Variants in SCYL2 observed in about 807,000 individuals in gnomAD.
The protein encoded by SCYL2 is SCY1-like protein 2.
In SCYL2, 36 loss-of-function variants were observed where a neutral mutation model predicts 100.4. That is an observed-to-expected ratio of 0.36 (90% CI 0.27 to 0.47). The LOEUF is 0.47. Among genes scored for constraint, SCYL2 ranks in the 20% least tolerant of loss-of-function variants. The pLI is 1.00. For synonymous variants in SCYL2, 330 were observed against 359.2 expected (o/e 0.92, Z 0.92); for missense variants, 902 against 1,083.9 (o/e 0.83, Z 2.36).
rs1952345700 is a variant in SCYL2, at chr12:100,340,975, G to C, written c.*1803G>C. ...AACAATTTAGTAGTCACTGTTTATT[G>C]AGAAATTGTTTTTTATTTTGTAAAA... is the stretch of plus-strand genomic sequence containing the variant. On this transcript the variant is annotated 3_prime_UTR_variant, in exon 18 of 18. Transcript: ENST00000360820. The C allele has an allele frequency of 6.6e-6, 1 of 151,984 alleles. No homozygotes were observed. The highest frequency in any genetic ancestry group is 6.6e-5 in the Admixed American group (1 of 15,258). The allele number at this position is 151,984 out of a possible 1,614,324, so 9.4% of individuals were successfully genotyped here.
chr12:100,291,489 ATTCTT>A lies in SCYL2; in HGVS notation c.178-11_178-7del. The A allele has an allele frequency of 1.4e-6, 2 of 1,466,142 alleles. No homozygotes were observed. The highest frequency in any genetic ancestry group is 1.8e-6 in the Non-Finnish European group (2 of 1,084,112). 90.8% of individuals were successfully genotyped at this position (1,466,142 alleles called of 1,614,324 possible). A position where few individuals can be genotyped will look rare whatever the true frequency, so the allele number is the denominator to read the frequency against. On this transcript the variant is annotated splice_polypyrimidine_tract_variant and intron_variant, in intron 2 of 17. Coordinates refer to ENST00000360820, the MANE Select transcript of SCYL2 (RefSeq NM_017988.6). ...TATATTTCTTGACTAAAATTACACA[ATTCTT>A]TTATTTAGGAAGTGGCAGTTTTTGT... is the stretch of plus-strand genomic sequence containing the variant.
chr12:100,339,204 C>A lies in SCYL2; in HGVS notation c.*32C>A. ...TTACTTCTATTTTGAAGGATTATTTCAGTTTCAATCATGGGTGAGCTGATT... is the reference window on the plus strand; with the variant it reads ...TTACTTCTATTTTGAAGGATTATTTAAGTTTCAATCATGGGTGAGCTGATT... On this transcript the variant is annotated 3_prime_UTR_variant, in exon 18 of 18. Transcript: ENST00000360820. The A allele has an allele frequency of 6.3e-7, 1 of 1,580,700 alleles. No homozygotes were observed. Among genetic ancestry groups the A allele is most frequent in the South Asian group, 1.2e-5 (1 of 85,600 alleles).
chr12:100,291,091 A>G lies in SCYL2; in HGVS notation c.178-412A>G, dbSNP rs572010310. On this transcript the variant is annotated intron_variant, in intron 2 of 17. Transcript: ENST00000360820. ...TACAAATTCATTTTTCTTACAAACAAGTACTCCCTGACTTACAACCTTTCT... is the reference window on the plus strand; with the variant it reads ...TACAAATTCATTTTTCTTACAAACAGGTACTCCCTGACTTACAACCTTTCT... Among the ~76,000 whole-genome samples, 9 of 152,322 alleles carry G rather than the reference A, an allele frequency of 5.9e-5. No homozygotes were observed. In the East Asian group the frequency reaches 1.5e-3, roughly 26 times the overall value.
chr12:100,313,186 T>G (rs1566361959), intron 6 of SCYL2, among the ~76,000 whole-genome samples: 1 of 152,194 alleles, frequency 6.6e-6, no homozygotes, highest in Non-Finnish European at 1.5e-5. Flanking sequence ...GTTACAGAAC[T>G]TTAGTCATGG....
intron 9 of SCYL2, 191 bp from the exon 10 acceptor site, chr12:100,317,612 A>T: frequency 3.9e-6 from 5 of 1,293,180 alleles, no homozygotes; most frequent in Non-Finnish European, 5.0e-6. Context: ...CTCAGAGCAG[A>T]TGTTAAATAT....
chr12:100,272,704 T>A (rs185607483), intron 1 of SCYL2, among the ~76,000 whole-genome samples: 1 of 152,268 alleles, frequency 6.6e-6, no homozygotes, highest in East Asian at 1.9e-4. Flanking sequence ...ACTGTGAAAT[T>A]GGGGGTGGGG....
intron 1 of SCYL2, among the ~76,000 whole-genome samples, chr12:100,276,724 C>G (rs2096292901): frequency 6.6e-6 from 1 of 151,730 alleles, no homozygotes; most frequent in Non-Finnish European, 1.5e-5. Flanking sequence ...GATTTTTTTC[C>G]TCTTTTTCAT....
At chr12:100,309,853 T>A (rs1185035634) in intron 4 of SCYL2, among the ~76,000 whole-genome samples, 8 of 152,170 alleles carry the variant, frequency 5.3e-5, no homozygotes, top group Admixed American at 2.6e-4. Context: ...ATTATACTGT[T>A]TTACATAGCA....
chr12:100,317,757 T>G (rs1468448414), intron 9 of SCYL2, 46 bp from the exon 10 acceptor site: 4 of 1,550,444 alleles, frequency 2.6e-6, no homozygotes, highest in Non-Finnish European at 3.5e-6. Context: ...TATTGAATCT[T>G]TTAAAGATTC....
chr12:100,270,436 T>TA (rs923674076), intron 1 of SCYL2, among the ~76,000 whole-genome samples: 5 of 151,456 alleles, frequency 3.3e-5, no homozygotes, highest in African/African-American at 2.4e-5. Flanking sequence ...GCTACTGCTT[T>TA]AAAAAAAAAT....
At chr12:100,323,847 T>G (rs1257017789) in intron 11 of SCYL2, 1 of 309,898 alleles carries the variant, frequency 3.2e-6, no homozygotes, top group African/African-American at 2.2e-5. Context: ...GCTGTCCCTT[T>G]ACTTTGAGTG....
chr12:100,325,699 T>C (rs892708878), intron 11 of SCYL2, among the ~76,000 whole-genome samples: 3 of 152,198 alleles, frequency 2.0e-5, no homozygotes, highest in Non-Finnish European at 4.4e-5. Context: ...ACATGACTAA[T>C]ATTTTATATA....
chr12:100,331,983 A>G (rs1238477726), intron 13 of SCYL2, among the ~76,000 whole-genome samples: 1 of 152,200 alleles, frequency 6.6e-6, no homozygotes, highest in African/African-American at 2.4e-5. Context: ...TGGATGATTC[A>G]GTAGGAGGAC....
chr12:100,323,763 T>A (rs908023362), intron 11 of SCYL2, 125 bp downstream of exon 11: 7 of 538,524 alleles, frequency 1.3e-5, no homozygotes, highest in African/African-American at 3.9e-5. Context: ...AGATAACTTG[T>A]ATATAGTACT....
intron 6 of SCYL2, 120 bp downstream of exon 6, chr12:100,312,773 A>G: frequency 1.5e-6 from 1 of 663,276 alleles, no homozygotes; most frequent in Non-Finnish European, 2.5e-6. Flanking sequence ...TTAAGTTTGC[A>G]TAAGATCAGC....
At chr12:100,273,678 C>A (rs1434222344) in intron 1 of SCYL2, among the ~76,000 whole-genome samples, 1 of 152,204 alleles carries the variant, frequency 6.6e-6, no homozygotes, top group Non-Finnish European at 1.5e-5. Context: ...ACACCATAGT[C>A]TTCCTCCCTT....
chr12:100,281,019 GTTTTTTTTT>G (rs202048587), intron 1 of SCYL2, among the ~76,000 whole-genome samples: 11 of 50,466 alleles, frequency 2.2e-4, no homozygotes, highest in Non-Finnish European at 2.5e-4. Context: ...TACCATCAGT[GTTTTTTTTT>G]TTTTTTTTTT....
intron 1 of SCYL2, among the ~76,000 whole-genome samples, chr12:100,269,199 C>T (rs2096284414): frequency 6.6e-6 from 1 of 152,262 alleles, no homozygotes; most frequent in African/African-American, 2.4e-5. Context: ...GTCCCCTTTC[C>T]AAACTCATCT....
intron 8 of SCYL2, among the ~76,000 whole-genome samples, chr12:100,315,297 T>G (rs1342111161): frequency 6.6e-6 from 1 of 152,136 alleles, no homozygotes; most frequent in Non-Finnish European, 1.5e-5. Flanking sequence ...AACATAGCGG[T>G]GGAGACTAAT....
Sources: allele counts gnomAD v4.1 joint callset (sites outside exome capture counted in the v4.1 genomes callset), GRCh38; gene constraint gnomAD v4.1.1; transcripts MANE v1.5; gene names NCBI Gene and HGNC (gene_info 2026-07-23, HGNC 2026-07-21).